CLSTN2: variants seen among roughly 807,000 people sequenced by gnomAD.
CLSTN2 encodes calsyntenin-2.
A neutral mutation model predicts 101.2 loss-of-function variants in CLSTN2; 48 were observed. The observed-to-expected ratio is 0.47, with a 90% confidence interval of 0.38 to 0.60. The LOEUF is 0.60. Ranked by LOEUF, CLSTN2 falls within the 20% of genes least tolerant of loss-of-function variation. CLSTN2 has a pLI of 0.00. For missense variants in CLSTN2, 1,160 were observed against 1,238.2 expected, an observed-to-expected ratio of 0.94 and a Z score of 0.95; for synonymous variants, 481 against 463.6, an observed-to-expected ratio of 1.04 and a Z score of -0.48.
chr3:140,110,365 A>C (rs2009134024), intron 1 of CLSTN2, among the ~76,000 whole-genome samples: 1 of 152,184 alleles, frequency 6.6e-6, no homozygotes, highest in African/African-American at 2.4e-5. Flanking sequence ...CTCAGAGCCT[A>C]TTTTCACAGT....
intron 2 of CLSTN2, among the ~76,000 whole-genome samples, chr3:140,196,654 C>T (rs1202663643): frequency 1.3e-5 from 2 of 152,162 alleles, no homozygotes; most frequent in Non-Finnish European, 2.9e-5. Flanking sequence ...TAAACATCCA[C>T]AGTGGGGGTA....
rs933026446 is a variant in CLSTN2 at position 140,573,714 on chromosome 3, G to A, written c.*7461G>A. On this transcript the variant is annotated 3_prime_UTR_variant, in exon 17 of 17. Coordinates refer to ENST00000458420, the MANE Select transcript of CLSTN2 (RefSeq NM_022131.3). Reference sequence around the variant, plus strand: ...GAGTAGCAGTCTAGGAAAGGGACTAGACATGTAGCCTAGGAAAACTAGCAC... The same window carrying A: ...GAGTAGCAGTCTAGGAAAGGGACTAAACATGTAGCCTAGGAAAACTAGCAC... 3 of 152,252 alleles carry A rather than the reference G, an allele frequency of 2.0e-5. No individual in the cohort carries two copies. Among genetic ancestry groups the A allele is most frequent in the Admixed American group, 6.5e-5 (1 of 15,286 alleles). 9.4% of individuals were successfully genotyped at this position (152,252 alleles called of 1,614,324 possible). A position where few individuals can be genotyped will look rare whatever the true frequency, so the allele number is the denominator to read the frequency against.
intron 5 of CLSTN2, among the ~76,000 whole-genome samples, chr3:140,427,730 T>C (rs2088588012): frequency 6.6e-6 from 1 of 152,172 alleles, no homozygotes; most frequent in Non-Finnish European, 1.5e-5. Flanking sequence ...ACTTGAGTGT[T>C]TCTAAGCTTT....
At chr3:140,296,792 C>T (rs997321229) in intron 2 of CLSTN2, among the ~76,000 whole-genome samples, 3 of 152,168 alleles carry the variant, frequency 2.0e-5, no homozygotes, top group African/African-American at 7.2e-5. Flanking sequence ...TTGTCACATT[C>T]GTTTTTCTGT....
At chr3:140,484,943 G>A (rs1301248228) in intron 8 of CLSTN2, among the ~76,000 whole-genome samples, 2 of 152,076 alleles carry the variant, frequency 1.3e-5, no homozygotes, top group Non-Finnish European at 2.9e-5. Context: ...ATCGTCTGAA[G>A]CCTTCTCCTC....
intron 8 of CLSTN2, among the ~76,000 whole-genome samples, chr3:140,504,184 G>A (rs2107763852): frequency 6.6e-6 from 1 of 152,276 alleles, no homozygotes; most frequent in East Asian, 1.9e-4. Context: ...CTGATACATG[G>A]CAGGCTCCAT....
At chr3:140,168,377 T>C (rs1270392225) in intron 1 of CLSTN2, among the ~76,000 whole-genome samples, 2 of 152,180 alleles carry the variant, frequency 1.3e-5, no homozygotes, top group Non-Finnish European at 2.9e-5. Flanking sequence ...AATTGTCTTA[T>C]TTAATTGAAA....
intron 2 of CLSTN2, among the ~76,000 whole-genome samples, chr3:140,266,250 A>G (rs1431360353): frequency 6.6e-6 from 1 of 152,204 alleles, no homozygotes; most frequent in Admixed American, 6.5e-5. Flanking sequence ...GTTCTTACCC[A>G]TATAGGCGAA....
At chr3:140,020,896 A>G (rs1211299781) in intron 1 of CLSTN2, among the ~76,000 whole-genome samples, 27 of 152,246 alleles carry the variant, frequency 1.8e-4, no homozygotes, top group Admixed American at 1.8e-3. Context: ...GGCTTGGCAG[A>G]CTGCTTCGTC....
At chr3:140,255,504 C>T (rs576767442) in intron 2 of CLSTN2, among the ~76,000 whole-genome samples, 19 of 152,150 alleles carry the variant, frequency 1.2e-4, no homozygotes, top group African/African-American at 4.3e-4. Context: ...AACATAGAAA[C>T]AGAAAACCAA....
chr3:140,280,492 T>C (rs1407541170), intron 2 of CLSTN2, among the ~76,000 whole-genome samples: 1 of 152,164 alleles, frequency 6.6e-6, no homozygotes, highest in Non-Finnish European at 1.5e-5. Flanking sequence ...TTGAGGAGAA[T>C]TCTTCACACT....
intron 2 of CLSTN2, among the ~76,000 whole-genome samples, chr3:140,289,331 T>G: frequency 6.6e-6 from 1 of 151,900 alleles, no homozygotes; most frequent in Non-Finnish European, 1.5e-5. Flanking sequence ...GTTTTGTGTT[T>G]TTTTTTGTTT....
chr3:140,143,635 C>A (rs1026437832), intron 1 of CLSTN2, among the ~76,000 whole-genome samples: 1 of 152,208 alleles, frequency 6.6e-6, no homozygotes, highest in Admixed American at 6.5e-5. Flanking sequence ...CAGATTCTCT[C>A]TGTTGTGGAG....
chr3:140,349,091 G>A (rs940466194), intron 2 of CLSTN2, among the ~76,000 whole-genome samples: 5 of 152,298 alleles, frequency 3.3e-5, no homozygotes, highest in South Asian at 2.1e-4. Flanking sequence ...GATAGTGAGC[G>A]AGTTCTTATG....
At chr3:140,455,535 G>A (rs1427778) in intron 6 of CLSTN2, among the ~76,000 whole-genome samples, 20,740 of 152,176 alleles carry the variant, frequency 0.14, 1,829 homozygotes, top group South Asian at 0.26. Flanking sequence ...GCCCAGGGAC[G>A]TCAAATCAGA....
intron 1 of CLSTN2, among the ~76,000 whole-genome samples, chr3:139,979,707 T>TGCAGCCACCCACCCCCGA (rs1272546027): frequency 3.3e-5 from 5 of 152,194 alleles, no homozygotes; most frequent in Non-Finnish European, 7.4e-5. Context: ...TGGGGAATAG[T>TGCAGCCACCCACCCCCGA]ATCCCTGAGG....
Position 140,563,957 on chromosome 3 carries a change from C to T in CLSTN2, c.2483-4C>T, listed in dbSNP as rs748459187. 2.0e-5 allele frequency: 32 copies of T among 1,612,306 alleles called. No homozygotes were observed. The highest frequency in any genetic ancestry group is 2.6e-5 in the Non-Finnish European group (31 of 1,178,922). On this transcript the variant is annotated splice_polypyrimidine_tract_variant and splice_region_variant and intron_variant, in intron 15 of 16. Coordinates refer to ENST00000458420, the MANE Select transcript of CLSTN2 (RefSeq NM_022131.3). ...ATGTCATGCGAGTTTTTTCCTTGTT[C>T]CAGTGGTCCCAAGCATTGCCACAGT...
At chr3:140,024,287 G>C (rs948157532) in intron 1 of CLSTN2, among the ~76,000 whole-genome samples, 2 of 152,162 alleles carry the variant, frequency 1.3e-5, no homozygotes, top group Non-Finnish European at 2.9e-5. Context: ...TCCGCAGTGT[G>C]GGTGTCCTGC....
Position 140,320,616 on chromosome 3 carries a change from G to T in CLSTN2, c.233-83013G>T, listed in dbSNP as rs192066805. On this transcript the variant is annotated intron_variant, in intron 2 of 16. Transcript: ENST00000458420. ...TTGTATTTGTGTTTTTTTTGCGGGG[G>T]GGGGCAGGGGTCAATACACATATTA... Among the ~76,000 whole-genome samples the T allele has an allele frequency of 3.4e-5, 5 of 148,510 alleles. No individual in the cohort carries two copies. The East Asian group carries it at 1.0e-3, about 30-fold the overall frequency.
Sources: allele counts gnomAD v4.1 joint callset (sites outside exome capture counted in the v4.1 genomes callset), GRCh38; gene constraint gnomAD v4.1.1; transcripts MANE v1.5; gene names NCBI Gene and HGNC (gene_info 2026-07-23, HGNC 2026-07-21).